Variants in STAU1 observed in about 807,000 individuals in gnomAD.
The protein encoded by STAU1 is staufen double-stranded RNA binding protein 1.
STAU1 carries 13 observed loss-of-function variants against 62.9 expected under a neutral mutation model. That is an observed-to-expected ratio of 0.21 (90% confidence interval 0.13 to 0.33). The LOEUF (loss-of-function observed/expected upper bound fraction) is 0.33, where lower values mean the gene tolerates loss of function less well. Among genes scored for constraint, STAU1 ranks in the 10% least tolerant of loss-of-function variants. STAU1 has a pLI of 1.00. For missense variants in STAU1, 571 were observed against 712.1 expected, an observed-to-expected ratio of 0.80 and a Z score of 2.25; for synonymous variants, 269 against 265.1, an observed-to-expected ratio of 1.01 and a Z score of -0.14.
chr20:49,153,823 G>A, intron 4 of STAU1, 110 bp downstream of exon 4: 4 of 1,197,010 alleles, frequency 3.3e-6, no homozygotes, highest in Admixed American at 3.5e-5. Flanking sequence ...CACTTGGCAG[G>A]CCCAAACCAA....
At chr20:49,166,690 C>A (rs2093531630) in intron 2 of STAU1, among the ~76,000 whole-genome samples, 1 of 152,132 alleles carries the variant, frequency 6.6e-6, no homozygotes, top group African/African-American at 2.4e-5. Context: ...AAACTGAAAG[C>A]AAACTAGGTT....
chr20:49,133,391 C>G (rs1031623692), intron 6 of STAU1, among the ~76,000 whole-genome samples: 1 of 152,186 alleles, frequency 6.6e-6, no homozygotes, highest in South Asian at 2.1e-4. Flanking sequence ...ATCTCCCACT[C>G]CCCACGGTCT....
At chr20:49,124,616 G>A in intron 6 of STAU1, 29 bp from the exon 7 acceptor site, 1 of 1,610,794 alleles carries the variant, frequency 6.2e-7, no homozygotes, top group Non-Finnish European at 8.5e-7. Context: ...CTGAGTGAAA[G>A]CGGACAGACA....
intron 2 of STAU1, among the ~76,000 whole-genome samples, chr20:49,167,810 G>A (rs2093546875): frequency 6.6e-6 from 1 of 151,886 alleles, no homozygotes; most frequent in Admixed American, 6.6e-5. Context: ...TATCTTGAGA[G>A]CACTTTTTAA....
intron 5 of STAU1, among the ~76,000 whole-genome samples, chr20:49,140,198 A>T (rs2146094837): frequency 6.6e-6 from 1 of 152,224 alleles, no homozygotes; most frequent in South Asian, 2.1e-4. Context: ...AAGTAAGTTA[A>T]TTAATTTAAT....
At chr20:49,124,266 G>C (rs889008937) in intron 7 of STAU1, 109 bp downstream of exon 7, 10 of 1,119,066 alleles carry the variant, frequency 8.9e-6, no homozygotes, top group Non-Finnish European at 1.3e-5. Flanking sequence ...CCTGGGGTGT[G>C]GCACGTTGGT....
At chr20:49,155,389 A>AT (rs1048336590) in intron 3 of STAU1, among the ~76,000 whole-genome samples, 11 of 151,912 alleles carry the variant, frequency 7.2e-5, no homozygotes, top group Non-Finnish European at 1.0e-4. Context: ...TCATTTTCCA[A>AT]TTTTTTTTTC....
chr20:49,195,898 CAAAAAAAA>C, the STAU1 span, among the ~76,000 whole-genome samples: 114 of 33,878 alleles, frequency 3.4e-3, 1 homozygote, highest in Admixed American at 6.3e-3. Context: ...AACTTCCTCT[CAAAAAAAA>C]AAAAAAAAAA....
chr20:49,180,287 T>TC (rs1391842801), intron 1 of STAU1, among the ~76,000 whole-genome samples: 1 of 150,258 alleles, frequency 6.7e-6, no homozygotes, highest in African/African-American at 2.4e-5. Context: ...AGAAATGAAT[T>TC]TTTTTTTTTA....
chr20:49,166,409 A>T (rs559999223), intron 2 of STAU1, 124 bp from the exon 3 acceptor site: 31 of 563,206 alleles, frequency 5.5e-5, no homozygotes, highest in African/African-American at 5.4e-4. Context: ...GCATGTAGCT[A>T]TGTTGATTTA....
At chr20:49,115,964 CA>C (rs2092313166) in intron 12 of STAU1, 97 bp from the exon 13 acceptor site, 2 of 959,018 alleles carry the variant, frequency 2.1e-6, no homozygotes, top group South Asian at 1.5e-5. Flanking sequence ...TGCTGCCCAG[CA>C]AACAGGTGGC....
upstream of STAU1, among the ~76,000 whole-genome samples, chr20:49,191,224 G>A (rs1247680565): frequency 6.6e-6 from 1 of 151,702 alleles, no homozygotes; most frequent in African/African-American, 2.4e-5. Flanking sequence ...ACGGGGTTTC[G>A]CCATGTTGGC....
the STAU1 span, among the ~76,000 whole-genome samples, chr20:49,196,117 C>T: frequency 7.7e-6 from 1 of 129,078 alleles, no homozygotes; most frequent in Non-Finnish European, 1.6e-5. Flanking sequence ...AAGCAAGACT[C>T]CATCTAAAAA....
chr20:49,189,236 A>G (rs2093824673), upstream of STAU1, among the ~76,000 whole-genome samples: 1 of 123,738 alleles, frequency 8.1e-6, no homozygotes, highest in Non-Finnish European at 1.7e-5. Context: ...AAAAAAAAAA[A>G]AAAAGACGAG....
chr20:49,114,440 G>C lies in STAU1; in HGVS notation c.*438C>G, dbSNP rs188052699. ...CTCTGGTGCTTTTAGCTCTGGGGCCGGTCAAAGGCCTCTCTCTGGCATGGC... is the reference window on the plus strand; with the variant it reads ...CTCTGGTGCTTTTAGCTCTGGGGCCCGTCAAAGGCCTCTCTCTGGCATGGC... On this transcript the variant is annotated 3_prime_UTR_variant, in exon 14 of 14. Transcript: ENST00000371856. The C allele has an allele frequency of 1.4e-4, 23 of 165,840 alleles. No homozygotes were observed. In the East Asian group the frequency reaches 3.9e-3, roughly 28 times the overall value. 10.3% of individuals were successfully genotyped at this position (165,840 alleles called of 1,614,324 possible).
At chr20:49,157,252 C>T (rs1435061056) in intron 3 of STAU1, among the ~76,000 whole-genome samples, 10 of 152,164 alleles carry the variant, frequency 6.6e-5, no homozygotes, top group Admixed American at 6.5e-4. Context: ...GTACTTCACA[C>T]AAATTAAGAC....
At chr20:49,172,537 T>C (rs1278265190) in intron 2 of STAU1, among the ~76,000 whole-genome samples, 2 of 152,224 alleles carry the variant, frequency 1.3e-5, no homozygotes, top group African/African-American at 2.4e-5. Flanking sequence ...TGGTTCAACA[T>C]AATGGTTAAC....
chr20:49,134,421 A>G, intron 6 of STAU1: 1 of 564,680 alleles, frequency 1.8e-6, no homozygotes, highest in Non-Finnish European at 3.2e-6. Context: ...ACAAGAGTGA[A>G]ACTCATCTCA....
intron 6 of STAU1, among the ~76,000 whole-genome samples, chr20:49,129,279 AATTTTTTT>A (rs1247594968): frequency 2.0e-5 from 2 of 101,958 alleles, no homozygotes; most frequent in African/African-American, 8.7e-5. Context: ...TTTAAAAAAA[AATTTTTTT>A]TTTTTTTTTT....
Sources: gnomAD v4.1 joint callset for allele counts (sites outside exome capture counted in the v4.1 genomes callset) on GRCh38, gnomAD v4.1.1 for gene constraint, MANE v1.5 for transcripts, NCBI Gene and HGNC (gene_info 2026-07-23, HGNC 2026-07-21) for gene names.